The following MYB variants were observed in gnomAD, a reference collection of about 807,000 sequenced individuals.
The protein encoded by MYB is MYB proto-oncogene, transcription factor, also known as transcriptional activator Myb.
In MYB, 28 loss-of-function variants were observed where a neutral mutation model predicts 92.9. That is an observed-to-expected ratio of 0.30 (90% CI 0.22 to 0.41). MYB has a LOEUF of 0.41. Ranked by LOEUF, MYB falls within the 10% of genes least tolerant of loss-of-function variation. MYB has a pLI of 1.00. For missense variants in MYB, 679 were observed against 929.3 expected (o/e 0.73, Z 3.50); for synonymous variants, 295 against 329.1 (o/e 0.90, Z 1.12).
Position 135,181,321 on chromosome 6 carries a change from A to G in MYB, c.-193A>G, listed in dbSNP as rs932895169. 2.3e-4 allele frequency: 44 copies of G among 195,052 alleles called. No individual in the cohort carries two copies. Among genetic ancestry groups the G allele is most frequent in the African/African-American group, 9.5e-4 (40 of 42,096 alleles). 12.1% of individuals were successfully genotyped at this position (195,052 alleles called of 1,614,324 possible). On this transcript the variant is annotated 5_prime_UTR_variant, in exon 1 of 16. Transcript: ENST00000341911. This position sits in a 1 kb window ranked among gnomAD's most constrained non-coding sequence, Gnocchi z 5.3. ...TTTACAGAGTTTACACTTTAATATC[A>G]ACCTGTTTCCTCCTCCTCCTTCTCC...
chr6:135,195,864 A>G lies in MYB; in HGVS notation c.1065A>G (p.Pro355=). The part of the protein sequence containing the change: ...VSCLGEHHST[P]SLPADPGSLP... ...GTTTGGGAGAACACCACTCCACTCCATCTCTGCCAGCGGATCCTGGCTCCC... is the reference window on the plus strand; with the variant it reads ...GTTTGGGAGAACACCACTCCACTCCGTCTCTGCCAGCGGATCCTGGCTCCC... Residue 355 remains proline, a synonymous_variant, in exon 9 of 16, where the codon CCA becomes CCG. Coordinates refer to ENST00000341911, the MANE Select transcript of MYB (RefSeq NM_001130173.2). The G allele has an allele frequency of 3.1e-6, 5 of 1,614,102 alleles. No individual in the cohort carries two copies. The South Asian group carries it at 5.5e-5, about 18-fold the overall frequency.
intron 11 of MYB, chr6:135,199,683 C>T (rs1409584822): frequency 7.3e-6 from 3 of 408,364 alleles, no homozygotes; most frequent in Non-Finnish European, 1.0e-5. Flanking sequence ...ACTGTTATTT[C>T]GAAGTACAAA....
chr6:135,217,522 T>C (rs1276328511), intron 15 of MYB, among the ~76,000 whole-genome samples: 1 of 152,226 alleles, frequency 6.6e-6, no homozygotes, highest in Non-Finnish European at 1.5e-5. Context: ...GTTTGCTTAG[T>C]GAGTAGATGG....
chr6:135,217,945 G>T lies in MYB; in HGVS notation c.2251G>T (p.Val751Leu). The T allele has an allele frequency of 6.2e-7, 1 of 1,612,824 alleles. No homozygotes were observed. Among genetic ancestry groups the T allele is most frequent in the Non-Finnish European group, 8.5e-7 (1 of 1,178,944 alleles). ...ATCTTCCAGTCAAGCTCGTAAATAC[G>T]TGAATGCATTCTCAGCCCGGACGCT... The part of the protein sequence containing the change: ...MTSSSQARKY[V>L]NAFSARTLVM Residue 751 changes from valine (V) to leucine (L), a missense_variant, in exon 16 of 16, where the codon GTG becomes TTG. Physicochemically the swap from Val to Leu is conservative, Grantham distance 32. Coordinates refer to ENST00000341911, the MANE Select transcript of MYB (RefSeq NM_001130173.2).
At chr6:135,195,537 T>C (rs989835896) in intron 8 of MYB, 7 of 543,114 alleles carry the variant, frequency 1.3e-5, no homozygotes, top group Admixed American at 3.3e-5. Flanking sequence ...GGTAATCATA[T>C]AGGTACAACC....
At position 135,201,652 on chromosome 6, in the gene MYB, C is replaced by T; in HGVS notation, c.1964C>T (p.Thr655Ile). 1 of 1,604,772 alleles carries T rather than the reference C, an allele frequency of 6.2e-7. No homozygotes were observed. The highest frequency in any genetic ancestry group is 8.5e-7 in the Non-Finnish European group (1 of 1,174,050). ...KKIKQEVESP[T>I]DKSGNFFCSH... ...ATATGCTTTTAGGTGGAATCTCCAA[C>T]TGATAAATCAGGAAACTTCTTCTGC... Residue 655 changes from threonine (T) to isoleucine (I), a missense_variant, in exon 14 of 16, where the codon ACT becomes ATT. By Grantham distance (89) the Thr-to-Ile change is moderately conservative. Transcript: ENST00000341911.
In MYB at chr6:135,181,437, G is replaced by A; in HGVS notation, c.-77G>A. The A allele has an allele frequency of 9.8e-7, 1 of 1,024,482 alleles. No individual in the cohort carries two copies. The highest frequency in any genetic ancestry group is 1.7e-5 in the African/African-American group (1 of 58,112). The allele number at this position is 1,024,482 out of a possible 1,614,324, so 63.5% of individuals were successfully genotyped here. A position where few individuals can be genotyped will look rare whatever the true frequency, so the allele number is the denominator to read the frequency against. On this transcript the variant is annotated 5_prime_UTR_variant, in exon 1 of 16. Coordinates refer to ENST00000341911, the MANE Select transcript of MYB (RefSeq NM_001130173.2). The surrounding 1 kb of genome is among the most constrained non-coding windows in gnomAD (Gnocchi z 5.3). ...GCTGCGCAGCCGGGGAGGGACGCAG[G>A]CAGGCGGCGGGCAGCGGGAGGCGGC...
chr6:135,184,266 A>C (rs1409655251), intron 1 of MYB, among the ~76,000 whole-genome samples: 1 of 150,490 alleles, frequency 6.6e-6, no homozygotes, highest in Non-Finnish European at 1.5e-5. Flanking sequence ...GGTCTTTCCA[A>C]GGAGTTCCCT....
chr6:135,218,121 C>G lies in MYB; in HGVS notation c.*141C>G. ...CAACAGTTGAGAGCAGCACCAAGTG[C>G]ATTTAGTTGAATGAAGTCTTCTTGG... On this transcript the variant is annotated 3_prime_UTR_variant, in exon 16 of 16. Transcript: ENST00000341911. 1 of 622,076 alleles carries G rather than the reference C, an allele frequency of 1.6e-6. No homozygotes were observed. The highest frequency in any genetic ancestry group is 1.9e-5 in the South Asian group (1 of 51,892). The allele number at this position is 622,076 out of a possible 1,614,324, so 38.5% of individuals were successfully genotyped here.
chr6:135,194,296 A>G (rs1358935433), intron 7 of MYB, 60 bp from the exon 8 acceptor site: 3 of 1,290,918 alleles, frequency 2.3e-6, no homozygotes, highest in Non-Finnish European at 3.3e-6. Context: ...GGCTACACCC[A>G]TTGTATTTGC....
intron 11 of MYB, 91 bp from the exon 12 acceptor site, chr6:135,199,994 A>G: frequency 1.0e-6 from 1 of 973,796 alleles, no homozygotes; most frequent in Non-Finnish European, 1.6e-6. Flanking sequence ...AGTTTATTGT[A>G]TTCAGTGGAA....
intron 15 of MYB, 108 bp downstream of exon 15, chr6:135,203,432 G>A (rs777617818): frequency 4.7e-5 from 42 of 887,992 alleles, no homozygotes; most frequent in Middle Eastern, 2.2e-4. Context: ...TCTGTTTTTC[G>A]TTTTCAACAT....
At chr6:135,216,027 C>A (rs756137907) in intron 15 of MYB, among the ~76,000 whole-genome samples, 2 of 152,162 alleles carry the variant, frequency 1.3e-5, no homozygotes, top group Non-Finnish European at 2.9e-5. Flanking sequence ...CCACTGGTTT[C>A]CTTTTGAGCT....
rs1450260756 is a variant in MYB at position 135,192,085 on chromosome 6, A to G, written c.528-239A>G. 2.0e-5 allele frequency among the ~76,000 whole-genome samples: 3 copies of G among 152,246 alleles called. No individual in the cohort carries two copies. In the East Asian group the frequency reaches 5.8e-4, roughly 29 times the overall value. On this transcript the variant is annotated intron_variant, in intron 5 of 15. Transcript: ENST00000341911. ...CTTTACCAAGGAAATGGAATGGTTA[A>G]AAGATACTGATATTTCTAGAAAACG...
intron 15 of MYB, among the ~76,000 whole-genome samples, chr6:135,211,120 G>T (rs1257271972): frequency 6.6e-6 from 1 of 150,470 alleles, no homozygotes; most frequent in Non-Finnish European, 1.5e-5. Context: ...TCTGCTGTTC[G>T]TGTTGTCATT....
intron 2 of MYB, among the ~76,000 whole-genome samples, chr6:135,187,028 G>A (rs1216589842): frequency 6.6e-5 from 10 of 152,066 alleles, no homozygotes; most frequent in Admixed American, 6.5e-4. Context: ...TTATGATACG[G>A]AAATTCTGTT....
At chr6:135,192,689 G>A in intron 6 of MYB, 131 bp downstream of exon 6, 2 of 790,420 alleles carry the variant, frequency 2.5e-6, no homozygotes, top group Non-Finnish European at 4.1e-6. Context: ...CTTCACCTAT[G>A]CCCTTTGAAG....
At position 135,196,885 on chromosome 6, in the gene MYB, ATCTC is replaced by A. The variant is rs1010325144; in HGVS notation, c.1204-69_1204-66del. On this transcript the variant is annotated intron_variant, in intron 9 of 15. Coordinates refer to ENST00000341911, the MANE Select transcript of MYB (RefSeq NM_001130173.2). Reference sequence around the variant, plus strand: ...GCCTAGTGTTTGCTTTGCGTTGAGCATCTCTCTCTCAGTGCTGTTTCAGGTGATG... The same window carrying A: ...GCCTAGTGTTTGCTTTGCGTTGAGCATCTCTCAGTGCTGTTTCAGGTGATG... 9 of 1,585,156 alleles carry A rather than the reference ATCTC, an allele frequency of 5.7e-6. No homozygotes were observed. The African/African-American group carries it at 1.2e-4, about 21-fold the overall frequency.
In MYB at chr6:135,218,494, G is replaced by A. The variant is rs575282702; in HGVS notation, c.*514G>A. On this transcript the variant is annotated 3_prime_UTR_variant, in exon 16 of 16. Coordinates refer to ENST00000341911, the MANE Select transcript of MYB (RefSeq NM_001130173.2). The stretch of plus-strand genomic sequence containing the variant: ...TCATTTATGGTTAATGACATTGAAG[G>A]TACATTTATTGTACCAAACCATTTT... 7.0e-5 allele frequency: 13 copies of A among 184,560 alleles called. No individual in the cohort carries two copies. The highest frequency in any genetic ancestry group is 3.0e-4 in the African/African-American group (13 of 42,720). The allele number at this position is 184,560 out of a possible 1,614,324, so 11.4% of individuals were successfully genotyped here.
Sources: allele counts gnomAD v4.1 joint callset (sites outside exome capture counted in the v4.1 genomes callset), GRCh38; gene constraint gnomAD v4.1.1; non-coding constraint Gnocchi (gnomAD v3.1); transcripts MANE v1.5; gene names NCBI Gene and HGNC (gene_info 2026-07-23, HGNC 2026-07-21).